The following RBM20 variants were observed in gnomAD, a reference collection of about 807,000 sequenced individuals.
RBM20 encodes the protein RNA binding motif protein 20, also known as RNA-binding protein 20.
Under a neutral mutation model 110.1 loss-of-function variants are expected in RBM20, and 51 were observed. The ratio of observed to expected loss-of-function variants is 0.46; its 90% CI spans 0.37 to 0.59. The LOEUF (loss-of-function observed/expected upper bound fraction) is 0.59, where lower values mean the gene tolerates loss of function less well. RBM20 is among the 20% of genes least tolerant of loss of function. The probability of loss-of-function intolerance (pLI) is 0.00; values close to 1 mark genes in which losing one functional copy is unlikely to be tolerated. For synonymous variants in RBM20, 589 were observed against 618.2 expected, an observed-to-expected ratio of 0.95 and a Z score of 0.70; for missense variants, 1,512 against 1,574.9, an observed-to-expected ratio of 0.96 and a Z score of 0.68.
chr10:110,796,016 C>T (rs944642235), intron 5 of RBM20, among the ~76,000 whole-genome samples: 3 of 152,170 alleles, frequency 2.0e-5, no homozygotes, highest in African/African-American at 7.2e-5. Context: ...GAAAGGACTC[C>T]AAGCTAAAAA....
At chr10:110,833,878 C>A (rs1845090168) in intron 13 of RBM20, among the ~76,000 whole-genome samples, 1 of 152,202 alleles carries the variant, frequency 6.6e-6, no homozygotes, top group South Asian at 2.1e-4. Context: ...TTTCTGTCAG[C>A]GGCTTTGACA....
Position 110,664,767 on chromosome 10 carries a change from AAAAT to A in RBM20, c.191+20130_191+20133del, listed in dbSNP as rs527516902. 6.9e-3 allele frequency among the ~76,000 whole-genome samples: 1,058 copies of A among 152,262 alleles called. 11 individuals are homozygous for A. The highest frequency in any genetic ancestry group is 0.024 in the African/African-American group (991 of 41,546). ...GTCTCAAAAAAATTTTTTAAAAAAG[AAAAT>A]AAATAAAAATAAAAAAATAAAAATT... On this transcript the variant is annotated intron_variant, in intron 1 of 13. Transcript: ENST00000369519.
At chr10:110,801,874 C>G (rs1387387448) in intron 7 of RBM20, among the ~76,000 whole-genome samples, 1 of 152,014 alleles carries the variant, frequency 6.6e-6, no homozygotes, top group Non-Finnish European at 1.5e-5. Flanking sequence ...TTTTATTCCC[C>G]TAATTGCGCA....
chr10:110,647,869 C>T (rs1861890714), intron 1 of RBM20, among the ~76,000 whole-genome samples: 1 of 152,146 alleles, frequency 6.6e-6, no homozygotes, highest in Admixed American at 6.5e-5. Context: ...AGAATGAAAA[C>T]AGAGCCACTC....
chr10:110,772,588 T>A lies in RBM20; in HGVS notation c.192-8213T>A, dbSNP rs182975614. ...AGTACAGGAACATGCTGTGCAAGTTTGTAGCCTAGGAGCAATAGGGTATAT... is the reference window on the plus strand; with the variant it reads ...AGTACAGGAACATGCTGTGCAAGTTAGTAGCCTAGGAGCAATAGGGTATAT... On this transcript the variant is annotated intron_variant, in intron 1 of 13. Transcript: ENST00000369519. Among the ~76,000 whole-genome samples, 611 of 152,348 alleles carry A rather than the reference T, an allele frequency of 4.0e-3. 5 individuals carry two copies. Among genetic ancestry groups the A allele is most frequent in the African/African-American group, 0.014 (581 of 41,574 alleles).
At chr10:110,830,746 C>T (rs1845040571) in intron 12 of RBM20, among the ~76,000 whole-genome samples, 1 of 152,180 alleles carries the variant, frequency 6.6e-6, no homozygotes. Context: ...AAATCACCTT[C>T]ATTGTTCTTG....
chr10:110,715,348 T>G (rs1176729883), intron 1 of RBM20, among the ~76,000 whole-genome samples: 1 of 152,232 alleles, frequency 6.6e-6, no homozygotes, highest in African/African-American at 2.4e-5. Flanking sequence ...AACTCCCAAG[T>G]GGAAGTGAAT....
At chr10:110,726,107 C>T (rs998004468) in intron 1 of RBM20, among the ~76,000 whole-genome samples, 5 of 152,186 alleles carry the variant, frequency 3.3e-5, no homozygotes, top group African/African-American at 9.7e-5. Flanking sequence ...CTCTGCCGGC[C>T]TCTCCCTCTC....
At chr10:110,830,437 A>G (rs1251953213) in intron 12 of RBM20, among the ~76,000 whole-genome samples, 1 of 152,192 alleles carries the variant, frequency 6.6e-6, no homozygotes, top group East Asian at 1.9e-4. Flanking sequence ...GAAAATGTTA[A>G]TGATATACAA....
rs1022831984 is a variant in RBM20 at position 110,838,574 on chromosome 10, G to A, written c.*2596G>A. The A allele has an allele frequency of 6.6e-6, 1 of 152,204 alleles. No homozygotes were observed. The highest frequency in any genetic ancestry group is 2.4e-5 in the African/African-American group (1 of 41,446). 9.4% of individuals were successfully genotyped at this position (152,204 alleles called of 1,614,324 possible). A position where few individuals can be genotyped will look rare whatever the true frequency, so the allele number is the denominator to read the frequency against. ...GAGGTTAGAACTGTACATTATCAGA[G>A]AGACTGGACACTTTATCCCCTAGCA... On this transcript the variant is annotated 3_prime_UTR_variant, in exon 14 of 14. Coordinates refer to ENST00000369519, the MANE Select transcript of RBM20 (RefSeq NM_001134363.3).
In RBM20 at chr10:110,783,418, TCTC is replaced by T. The variant is rs1229525146; in HGVS notation, c.1329_1331del (p.Ser444del). ...CTGCACGCTCAGAAATGCCTGGTCT[TCTC>T]TGAAAAGTAAGTGCTGTTCAGGAGG... On this transcript the variant is annotated inframe_deletion, in exon 3 of 14. Transcript: ENST00000369519. 4 of 1,550,854 alleles carry T rather than the reference TCTC, an allele frequency of 2.6e-6. No individual in the cohort carries two copies. The East Asian group carries it at 9.8e-5, about 38-fold the overall frequency.
At chr10:110,690,243 T>C (rs760565938) in intron 1 of RBM20, among the ~76,000 whole-genome samples, 17 of 152,010 alleles carry the variant, frequency 1.1e-4, no homozygotes, top group Admixed American at 2.6e-4. Context: ...TCCTGTCTAC[T>C]AAAAAAATTT....
In RBM20 at chr10:110,784,807, T is replaced by C. The variant is rs1298791067; in HGVS notation, c.1445T>C (p.Leu482Pro). 1 of 1,549,578 alleles carries C rather than the reference T, an allele frequency of 6.5e-7. No individual in the cohort carries two copies. The highest frequency in any genetic ancestry group is 2.4e-5 in the East Asian group (1 of 40,928). The change falls in exon 5 of 14, where the codon CTT (leucine) becomes CCT (proline). Residue 482 changes from leucine to proline, a missense_variant. By Grantham distance (98) the Leu-to-Pro change is moderately conservative. Around this residue, in one of 3 missense-constraint regions of RBM20, gnomAD observed 1,149 missense variants for 1,169.4 expected, o/e 0.98. Coordinates refer to ENST00000369519, the MANE Select transcript of RBM20 (RefSeq NM_001134363.3). ...PAGNEDYASNLGTSYVPIPAR... is the reference protein window; with the variant it reads ...PAGNEDYASNPGTSYVPIPAR... ...CATCATTTAGATTATGCCTCAAATC[T>C]TGGAACATCATACGTGCCCATTCCA... is the stretch of plus-strand genomic sequence containing the variant.
chr10:110,750,585 C>T (rs890369409), intron 1 of RBM20, among the ~76,000 whole-genome samples: 1 of 152,214 alleles, frequency 6.6e-6, no homozygotes, highest in Non-Finnish European at 1.5e-5. Flanking sequence ...TTCTTACTTA[C>T]CCGACCTCTT....
At chr10:110,699,761 T>A (rs1835552272) in intron 1 of RBM20, among the ~76,000 whole-genome samples, 5 of 152,144 alleles carry the variant, frequency 3.3e-5, no homozygotes, top group Admixed American at 3.3e-4. Flanking sequence ...ATATACTATG[T>A]TTTTTTCCTA....
intron 1 of RBM20, among the ~76,000 whole-genome samples, chr10:110,666,899 G>A (rs1040793596): frequency 2.6e-5 from 4 of 152,142 alleles, no homozygotes; most frequent in East Asian, 1.9e-4. Context: ...CATCAGAGTC[G>A]GTCTTCCTTT....
chr10:110,826,091 A>G (rs1394902076), intron 12 of RBM20, among the ~76,000 whole-genome samples: 1 of 152,142 alleles, frequency 6.6e-6, no homozygotes, highest in African/African-American at 2.4e-5. Flanking sequence ...AATTTTCATA[A>G]TTGCTACTAA....
At chr10:110,787,669 T>G (rs558543422) in intron 5 of RBM20, among the ~76,000 whole-genome samples, 17 of 152,334 alleles carry the variant, frequency 1.1e-4, no homozygotes, top group South Asian at 4.1e-4. Context: ...TGATTCTAAT[T>G]AATTCCTCGA....
chr10:110,737,191 A>AAAAAAAAAAAAAAAAAAAAAAAAAAAAC (rs1564830214), intron 1 of RBM20, among the ~76,000 whole-genome samples: 2 of 143,874 alleles, frequency 1.4e-5, no homozygotes, highest in Non-Finnish European at 3.0e-5. Context: ...AAAAAAAAAA[A>AAAAAAAAAAAAAAAAAAAAAAAAAAAAC]AAAAAACACC....
Sources: gnomAD v4.1 joint callset for allele counts (sites outside exome capture counted in the v4.1 genomes callset) on GRCh38, gnomAD v4.1.1 for gene constraint, gnomAD v4.1.1 regional missense constraint, MANE v1.5 for transcripts, NCBI Gene and HGNC (gene_info 2026-07-23, HGNC 2026-07-21) for gene names.